The following RBFOX1 variants were observed in gnomAD, a reference collection of about 807,000 sequenced individuals.
RBFOX1 encodes RNA binding fox-1 homolog 1.
In RBFOX1, 8 loss-of-function variants were observed where a neutral mutation model predicts 57.7. The ratio of observed to expected loss-of-function variants is 0.14; its 90% CI spans 0.08 to 0.25. The LOEUF is 0.25. RBFOX1 is among the 10% of genes least tolerant of loss of function. The probability of loss-of-function intolerance (pLI) is 1.00; values close to 1 mark genes in which losing one functional copy is unlikely to be tolerated. For missense variants in RBFOX1, 611 were observed against 548.5 expected (o/e 1.11, Z -1.14); for synonymous variants, 326 against 222.4 (o/e 1.47, Z -4.15).
intron 2 of RBFOX1, among the ~76,000 whole-genome samples, chr16:6,524,738 T>A (rs1486601199): frequency 2.0e-5 from 3 of 152,182 alleles, no homozygotes; most frequent in African/African-American, 7.2e-5. Flanking sequence ...CTACCTGGCT[T>A]GTCCACAGCC....
At chr16:6,440,066 A>G (rs2094344286) in intron 2 of RBFOX1, among the ~76,000 whole-genome samples, 1 of 151,480 alleles carries the variant, frequency 6.6e-6, no homozygotes, top group Non-Finnish European at 1.5e-5. Context: ...CCTCCTGAGT[A>G]GCTGGGACTA....
intron 2 of RBFOX1, among the ~76,000 whole-genome samples, chr16:6,350,491 A>AAAAAAAAAC (rs2086170652): frequency 7.9e-6 from 1 of 126,084 alleles, no homozygotes. Flanking sequence ...AAAAAAAAAA[A>AAAAAAAAAC]AAAAAAAACA....
chr16:7,578,544 T>A (rs767010955), intron 5 of RBFOX1, among the ~76,000 whole-genome samples: 2 of 152,210 alleles, frequency 1.3e-5, no homozygotes, highest in Non-Finnish European at 2.9e-5. Flanking sequence ...GTGTTTGTTT[T>A]GTATTTCACT....
intron 1 of RBFOX1, among the ~76,000 whole-genome samples, chr16:5,252,486 C>T (rs2062477562): frequency 6.6e-6 from 1 of 152,154 alleles, no homozygotes. Flanking sequence ...TTGTGAGTTC[C>T]CATGTGAAGG....
intron 2 of RBFOX1, among the ~76,000 whole-genome samples, chr16:5,500,121 C>T (rs1367576509): frequency 2.1e-5 from 3 of 143,406 alleles, no homozygotes; most frequent in Admixed American, 2.1e-4. Flanking sequence ...CCCTTCCCTC[C>T]TTCCCTCCTT....
At chr16:5,805,711 C>G (rs1309463486) in intron 3 of RBFOX1, among the ~76,000 whole-genome samples, 1 of 152,154 alleles carries the variant, frequency 6.6e-6, no homozygotes, top group African/African-American at 2.4e-5. Flanking sequence ...GAAGGGTTGC[C>G]TGACATGAAT....
chr16:7,272,894 TC>T (rs1449678327), intron 4 of RBFOX1, among the ~76,000 whole-genome samples: 3 of 137,724 alleles, frequency 2.2e-5, no homozygotes, highest in African/African-American at 8.1e-5. Context: ...CTTTCTTCCT[TC>T]CCTCCTTTCT....
chr16:7,110,360 C>G (rs572139248), intron 4 of RBFOX1, among the ~76,000 whole-genome samples: 1 of 151,026 alleles, frequency 6.6e-6, no homozygotes, highest in Non-Finnish European at 1.5e-5. Context: ...GATCCTGACT[C>G]TTAAAAAAAA....
At chr16:6,404,947 A>G (rs2093221857) in intron 2 of RBFOX1, among the ~76,000 whole-genome samples, 1 of 152,202 alleles carries the variant, frequency 6.6e-6, no homozygotes, top group South Asian at 2.1e-4. Context: ...ACGGAACCAC[A>G]AATGCCTTCT....
At chr16:6,391,522 A>G (rs2092602755) in intron 2 of RBFOX1, among the ~76,000 whole-genome samples, 1 of 151,822 alleles carries the variant, frequency 6.6e-6, no homozygotes, top group African/African-American at 2.4e-5. Flanking sequence ...AAAAAAAAAA[A>G]AAGAAAAAAA....
rs559390101 is a variant in RBFOX1, at chr16:6,502,868, T to C, written c.-63-151735T>C. 2.0e-5 allele frequency among the ~76,000 whole-genome samples: 3 copies of C among 152,318 alleles called. No individual in the cohort carries two copies. The South Asian group carries it at 6.2e-4, about 32-fold the overall frequency. On this transcript the variant is annotated intron_variant, in intron 2 of 15. Transcript: ENST00000550418. ...TGAATCCAAATACTAACTGGGGTTATGTCCGTTTTATAGCAATGCCATGTT... is the reference window on the plus strand; with the variant it reads ...TGAATCCAAATACTAACTGGGGTTACGTCCGTTTTATAGCAATGCCATGTT...
chr16:7,504,789 A>T (rs1435325252), intron 4 of RBFOX1, among the ~76,000 whole-genome samples: 13 of 23,446 alleles, frequency 5.5e-4, no homozygotes, highest in African/African-American at 1.4e-3. Context: ...ATATATATTT[A>T]TATATATATA....
chr16:5,289,335 C>T, intron 1 of RBFOX1: 2 of 396,954 alleles, frequency 5.0e-6, no homozygotes, highest in South Asian at 3.3e-5. Context: ...GTTCCACTGG[C>T]ATCACCCCAG....
chr16:5,455,848 G>A (rs1366224669), intron 1 of RBFOX1, among the ~76,000 whole-genome samples: 1 of 152,142 alleles, frequency 6.6e-6, no homozygotes, highest in East Asian at 1.9e-4. Flanking sequence ...TGAAATAAAG[G>A]TGATTGGTGT....
At chr16:7,065,115 A>T (rs571462374) in intron 4 of RBFOX1, among the ~76,000 whole-genome samples, 2 of 152,320 alleles carry the variant, frequency 1.3e-5, no homozygotes, top group East Asian at 3.9e-4. Flanking sequence ...GCCTCCTGTG[A>T]GACCAATTCT....
At chr16:6,752,374 GAGTAA>G (rs2075087729) in intron 3 of RBFOX1, among the ~76,000 whole-genome samples, 1 of 152,182 alleles carries the variant, frequency 6.6e-6, no homozygotes, top group Admixed American at 6.5e-5. Flanking sequence ...GTGTCCATAT[GAGTAA>G]AGTAGAGAGA....
At chr16:7,664,887 G>A (rs2068774488) in intron 12 of RBFOX1, 42 bp from the exon 13 acceptor site, 3 of 1,613,886 alleles carry the variant, frequency 1.9e-6, no homozygotes, top group Non-Finnish European at 2.5e-6. Context: ...CATGGGAAAT[G>A]CACTAATATG....
chr16:6,276,013 G>A lies in RBFOX1; in HGVS notation c.-126-40982G>A, dbSNP rs2075763815. Among the ~76,000 whole-genome samples the A allele has an allele frequency of 1.3e-5, 2 of 152,172 alleles. 1 individual carries two copies. Among genetic ancestry groups the A allele is most frequent in the South Asian group, 4.1e-4 (2 of 4,832 alleles). ...TACTGCAGGTGTTGGATTATTATAA[G>A]TTTAAGCTATTCTTTAATTGTACAG... On this transcript the variant is annotated intron_variant, in intron 1 of 15. Transcript: ENST00000550418.
chr16:6,959,762 C>A (rs1390472413), intron 3 of RBFOX1, among the ~76,000 whole-genome samples: 1 of 152,042 alleles, frequency 6.6e-6, no homozygotes, highest in Non-Finnish European at 1.5e-5. Context: ...CATGGTGAAA[C>A]CCCGTTTCTA....
Sources: gnomAD v4.1 joint callset for allele counts (sites outside exome capture counted in the v4.1 genomes callset) on GRCh38, gnomAD v4.1.1 for gene constraint, MANE v1.5 for transcripts, NCBI Gene and HGNC (gene_info 2026-07-23, HGNC 2026-07-21) for gene names.